Variants in LYG1 observed in about 807,000 individuals in gnomAD.
LYG1 encodes lysozyme g-like protein 1.
Under a neutral mutation model 21.7 loss-of-function variants are expected in LYG1, and 17 were observed. The observed-to-expected ratio is 0.78, with a 90% CI of 0.54 to 1.18. LYG1 has a LOEUF of 1.18. Among genes scored for constraint, LYG1 ranks in the 50% most tolerant of loss-of-function variants. The pLI is 0.00. For missense variants in LYG1, 211 were observed against 238.1 expected (o/e 0.89, Z 0.75); for synonymous variants, 81 against 87.4 (o/e 0.93, Z 0.41).
intron 2 of LYG1, among the ~76,000 whole-genome samples, chr2:99,297,981 G>A (rs1440687924): frequency 6.6e-6 from 1 of 152,174 alleles, no homozygotes; most frequent in Non-Finnish European, 1.5e-5. Context: ...TCCTGAGTAG[G>A]TAGGGTTACA....
At chr2:99,288,702 G>A (rs1170872303) in intron 5 of LYG1, among the ~76,000 whole-genome samples, 1 of 152,134 alleles carries the variant, frequency 6.6e-6, no homozygotes, top group Non-Finnish European at 1.5e-5. Context: ...CTGCGTAGCT[G>A]GGATTACAGG....
intron 4 of LYG1, among the ~76,000 whole-genome samples, chr2:99,291,876 G>T (rs574063191): frequency 3.3e-5 from 5 of 152,274 alleles, no homozygotes; most frequent in African/African-American, 1.2e-4. Flanking sequence ...ACTCCTAAAC[G>T]ATACCAACAA....
chr2:99,300,691 T>C (rs1380709841), intron 1 of LYG1, among the ~76,000 whole-genome samples: 1 of 149,222 alleles, frequency 6.7e-6, no homozygotes, highest in Non-Finnish European at 1.5e-5. Flanking sequence ...CTTAGTCTTT[T>C]GGCTTTCAGT....
At chr2:99,291,198 T>C (rs1415326354) in intron 5 of LYG1, 39 bp downstream of exon 5, 10 of 1,596,444 alleles carry the variant, frequency 6.3e-6, no homozygotes, top group Non-Finnish European at 8.6e-6. Context: ...TGGTGCCACA[T>C]AGCAGAATGG....
intron 5 of LYG1, among the ~76,000 whole-genome samples, chr2:99,285,429 A>G (rs1227563251): frequency 2.6e-5 from 4 of 152,146 alleles, no homozygotes; most frequent in African/African-American, 7.2e-5. Context: ...AACAGAAGGG[A>G]AAATTCCCAA....
Position 99,291,334 on chromosome 2 carries a change from T to C in LYG1, c.236A>G (p.Tyr79Cys). Residue 79 changes from tyrosine to cysteine, a missense_variant, in exon 5 of 7, where the codon TAC becomes TGC. Transcript: ENST00000308528. ...AGCGATCACGGCAGGATCCATGCAG[T>C]ACTTTTGGCCAATGGTTTGCATCAT... ...QPMMQTIGQK[Y>C]CMDPAVIAGV... 3 of 1,613,528 alleles carry C rather than the reference T, an allele frequency of 1.9e-6. No individual in the cohort carries two copies. Among genetic ancestry groups the C allele is most frequent in the Non-Finnish European group, 2.5e-6 (3 of 1,179,646 alleles).
rs138105046 is a variant in LYG1, at chr2:99,284,864, G to A, written c.334-44C>T. On this transcript the variant is annotated intron_variant, in intron 5 of 6. Coordinates refer to ENST00000308528, the MANE Select transcript of LYG1 (RefSeq NM_174898.3). ...AGAAGAAGCCACGTAAGCTGGGTGG[G>A]AGGGTGATCCGGCTTACTGGGCTCA... 4.3e-4 allele frequency: 698 copies of A among 1,606,110 alleles called. 4 individuals carry two copies. The East Asian group carries it at 0.014, about 33-fold the overall frequency.
upstream of LYG1, among the ~76,000 whole-genome samples, chr2:99,303,946 C>T (rs963576446): frequency 5.3e-5 from 8 of 152,032 alleles, no homozygotes; most frequent in Non-Finnish European, 1.0e-4. Flanking sequence ...CCCAGGCAGG[C>T]GGATCACGAG....
At chr2:99,295,123 A>G (rs1400096260) in intron 3 of LYG1, among the ~76,000 whole-genome samples, 1 of 152,168 alleles carries the variant, frequency 6.6e-6, no homozygotes, top group African/African-American at 2.4e-5. Flanking sequence ...AAACAAAAGC[A>G]AACCAACAAA....
At chr2:99,294,678 T>C (rs1026213023) in intron 3 of LYG1, among the ~76,000 whole-genome samples, 1 of 152,214 alleles carries the variant, frequency 6.6e-6, no homozygotes, top group Non-Finnish European at 1.5e-5. Flanking sequence ...TAGCACCTTG[T>C]AGGCATTTTT....
At chr2:99,296,017 C>G (rs568418314) in intron 2 of LYG1, among the ~76,000 whole-genome samples, 5 of 152,086 alleles carry the variant, frequency 3.3e-5, no homozygotes, top group Admixed American at 3.3e-4. Flanking sequence ...ACATACTGAC[C>G]TGGCTCCAGA....
chr2:99,291,667 G>A (rs537351880), intron 4 of LYG1, among the ~76,000 whole-genome samples: 4 of 152,226 alleles, frequency 2.6e-5, no homozygotes, highest in South Asian at 4.1e-4. Flanking sequence ...CTTCGACTGG[G>A]CTCTCAGGGG....
In LYG1 at chr2:99,284,771, G is replaced by T. The variant is rs1270792131; in HGVS notation, c.383C>A (p.Ser128Tyr). 1 of 1,613,712 alleles carries T rather than the reference G, an allele frequency of 6.2e-7. No individual in the cohort carries two copies. Among genetic ancestry groups the T allele is most frequent in the East Asian group, 2.2e-5 (1 of 44,870 alleles). Residue 128 changes from serine to tyrosine, a missense_variant, in exon 6 of 7, where the codon TCC becomes TAC. Ser to Tyr is a moderately radical substitution (Grantham distance 144, BLOSUM62 -2). Coordinates refer to ENST00000308528, the MANE Select transcript of LYG1 (RefSeq NM_174898.3). The stretch of plus-strand genomic sequence containing the variant: ...AGTAGTCAGAACTTCAGTTGTCTGG[G>T]AAACCTGAGACTCACTAATCCAGGA... Reference protein sequence around the residue: ...PTSWISESQVSQTTEVLTTRI... With the variant: ...PTSWISESQVYQTTEVLTTRI...
upstream of LYG1, among the ~76,000 whole-genome samples, chr2:99,302,096 T>G (rs1248800596): frequency 1.3e-5 from 2 of 152,162 alleles, no homozygotes; most frequent in East Asian, 3.8e-4. Flanking sequence ...TACAGGATCT[T>G]TCCTTTTTAT....
upstream of LYG1, among the ~76,000 whole-genome samples, chr2:99,301,730 T>C (rs1322325377): frequency 1.4e-5 from 2 of 146,204 alleles, no homozygotes; most frequent in African/African-American, 5.0e-5. Context: ...AAAAAAAACT[T>C]TCTTTACTAC....
Position 99,284,824 on chromosome 2 carries a change from C to G in LYG1, c.334-4G>C. ...TGGGAGCTTGAGAGCCAGGGTCCTG[C>G]AGGGAAGGAGGCAGAGAAGAAGCCA... On this transcript the variant is annotated splice_region_variant and splice_polypyrimidine_tract_variant and intron_variant, in intron 5 of 6. Coordinates refer to ENST00000308528, the MANE Select transcript of LYG1 (RefSeq NM_174898.3). 6.2e-7 allele frequency: 1 copy of G among 1,612,364 alleles called. No individual in the cohort carries two copies. Among genetic ancestry groups the G allele is most frequent in the Non-Finnish European group, 8.5e-7 (1 of 1,179,726 alleles).
intron 5 of LYG1, among the ~76,000 whole-genome samples, chr2:99,285,160 G>A (rs1208984927): frequency 6.6e-6 from 1 of 152,044 alleles, no homozygotes; most frequent in Non-Finnish European, 1.5e-5. Context: ...TCAGGAGTTC[G>A]AGACGAGCCT....
upstream of LYG1, among the ~76,000 whole-genome samples, chr2:99,303,832 G>A (rs2094160557): frequency 6.6e-6 from 1 of 151,788 alleles, no homozygotes; most frequent in African/African-American, 2.4e-5. Flanking sequence ...CCCCCATACT[G>A]TTCTCCTGGT....
Position 99,291,307 on chromosome 2 carries a change from C to G in LYG1, c.263G>C (p.Gly88Ala), listed in dbSNP as rs373601711. Residue 88 changes from glycine (G) to alanine (A), a missense_variant, in exon 5 of 7, where the codon GGT (glycine) becomes GCT (alanine). Gly to Ala is a moderately conservative substitution (Grantham distance 60, BLOSUM62 0). Transcript: ENST00000308528. ...KYCMDPAVIA[G>A]VLSRKSPGDK... ...ACCGGGAGACTTCCTGGACAAGACA[C>G]CAGCGATCACGGCAGGATCCATGCA... 1.2e-6 allele frequency: 2 copies of G among 1,613,564 alleles called. No homozygotes were observed. Among genetic ancestry groups the G allele is most frequent in the Non-Finnish European group, 1.7e-6 (2 of 1,179,652 alleles).
Sources: gnomAD v4.1 joint callset for allele counts (sites outside exome capture counted in the v4.1 genomes callset) on GRCh38, gnomAD v4.1.1 for gene constraint, MANE v1.5 for transcripts, NCBI Gene and HGNC (gene_info 2026-07-23, HGNC 2026-07-21) for gene names.